Variants in KIAA1671 observed in about 807,000 individuals in gnomAD.
KIAA1671 encodes uncharacterized protein KIAA1671.
A neutral mutation model predicts 131.2 loss-of-function variants in KIAA1671; 52 were observed. That is an observed-to-expected ratio of 0.40 (90% CI 0.32 to 0.50). The LOEUF is 0.50. KIAA1671 is among the 20% of genes least tolerant of loss of function. The probability of loss-of-function intolerance (pLI) is 0.73; values close to 1 mark genes in which losing one functional copy is unlikely to be tolerated. For missense variants in KIAA1671, 2,360 were observed against 2,364.2 expected (o/e 1.00, Z 0.04); for synonymous variants, 1,003 against 961.6 (o/e 1.04, Z -0.80).
At chr22:24,968,041 A>T (rs944814777) in intron 1 of KIAA1671, among the ~76,000 whole-genome samples, 4 of 152,108 alleles carry the variant, frequency 2.6e-5, no homozygotes, top group African/African-American at 9.7e-5. Flanking sequence ...TTTGGCAACC[A>T]GTAGACCACC....
chr22:25,111,968 C>G (rs1378640213), intron 6 of KIAA1671: 3 of 358,324 alleles, frequency 8.4e-6, no homozygotes, highest in Non-Finnish European at 1.5e-5. Flanking sequence ...TAATTCTGAG[C>G]GGCACCCGTG....
intron 6 of KIAA1671, among the ~76,000 whole-genome samples, chr22:25,134,409 C>T (rs116988242): frequency 0.015 from 2,217 of 152,214 alleles, 22 homozygotes; most frequent in Middle Eastern, 0.061. Flanking sequence ...AAATCTGATT[C>T]TCCCAACACT....
chr22:25,028,435 C>T lies in KIAA1671; in HGVS notation c.436C>T (p.Leu146Phe), dbSNP rs972924232. 7.9e-5 allele frequency: 122 copies of T among 1,550,906 alleles called. 2 individuals carry two copies. The highest frequency in any genetic ancestry group is 7.7e-4 in the South Asian group (65 of 83,956). The change falls in exon 3 of 13, where the codon CTC becomes TTC. Residue 146 changes from leucine (L) to phenylalanine (F), a missense_variant. Physicochemically the swap from Leu to Phe is conservative, Grantham distance 22. Coordinates refer to ENST00000358431, the MANE Select transcript of KIAA1671 (RefSeq NM_001145206.2). ...FLRPSSSTMILFETTKSGPAL... is the reference protein window; with the variant it reads ...FLRPSSSTMIFFETTKSGPAL... ...GCGGCCCAGCTCCAGCACCATGATT[C>T]TCTTCGAAACCACCAAAAGCGGCCC... is the stretch of plus-strand genomic sequence containing the variant.
intron 1 of KIAA1671, among the ~76,000 whole-genome samples, chr22:25,003,570 C>G (rs1430819227): frequency 6.6e-6 from 1 of 151,916 alleles, no homozygotes; most frequent in African/African-American, 2.4e-5. Context: ...TGCCACTACG[C>G]CTGGCTAATT....
intron 6 of KIAA1671, among the ~76,000 whole-genome samples, chr22:25,133,959 C>T (rs567190093): frequency 4.5e-4 from 68 of 152,282 alleles, no homozygotes; most frequent in Admixed American, 3.9e-3. Flanking sequence ...CCTGAGAGGG[C>T]CTTGAGATTC....
At chr22:25,047,350 C>T (rs1927300851) in intron 5 of KIAA1671, among the ~76,000 whole-genome samples, 4 of 151,680 alleles carry the variant, frequency 2.6e-5, no homozygotes, top group Non-Finnish European at 1.5e-5. Context: ...GGGGTTTCAC[C>T]GTGTTGCCCA....
At chr22:24,970,506 A>G (rs1446436435) in intron 1 of KIAA1671, among the ~76,000 whole-genome samples, 1 of 152,062 alleles carries the variant, frequency 6.6e-6, no homozygotes, top group African/African-American at 2.4e-5. Context: ...GTCTCTATAA[A>G]ATGAGGCTAA....
intron 1 of KIAA1671, among the ~76,000 whole-genome samples, chr22:24,954,565 C>T (rs1183746415): frequency 2.0e-5 from 3 of 152,202 alleles, no homozygotes; most frequent in Non-Finnish European, 2.9e-5. Context: ...GCACCTATGT[C>T]AGGAGCACTG....
intron 6 of KIAA1671, among the ~76,000 whole-genome samples, chr22:25,116,997 T>G (rs140872712): frequency 3.9e-5 from 6 of 152,168 alleles, no homozygotes; most frequent in African/African-American, 1.4e-4. Context: ...TTTATGGCTG[T>G]GGGGGGTAAG....
intron 1 of KIAA1671, among the ~76,000 whole-genome samples, chr22:25,022,052 G>A (rs1274439153): frequency 2.0e-5 from 3 of 151,892 alleles, no homozygotes; most frequent in Non-Finnish European, 4.4e-5. Context: ...GGGATTACAG[G>A]CCTGAGCCAC....
chr22:24,960,162 TAAA>T (rs1921938478), intron 1 of KIAA1671, among the ~76,000 whole-genome samples: 1 of 146,806 alleles, frequency 6.8e-6, no homozygotes, highest in South Asian at 2.2e-4. Context: ...AATAAATAAA[TAAA>T]TAAAATAAAA....
intron 12 of KIAA1671, 123 bp downstream of exon 12, chr22:25,190,907 G>T: frequency 1.5e-6 from 1 of 648,136 alleles, no homozygotes. Flanking sequence ...TGTGTAAGGG[G>T]AAGAATGAGG....
At chr22:25,009,809 C>T (rs1206891775) in intron 1 of KIAA1671, 2 of 152,322 alleles carry the variant, frequency 1.3e-5, no homozygotes, top group Non-Finnish European at 2.9e-5. Flanking sequence ...GTCTCGATCT[C>T]CTGACCTTGT....
At chr22:25,053,459 A>G in intron 6 of KIAA1671, 1 of 152,254 alleles carries the variant, frequency 6.6e-6, no homozygotes, top group Non-Finnish European at 1.5e-5. Flanking sequence ...TCAGAGATTC[A>G]TCAGCTGGGA....
chr22:25,029,507 A>G lies in KIAA1671; in HGVS notation c.1508A>G (p.Gln503Arg). ...CCCGAGGTCAGGAGGAGGACGTTCC[A>G]GGCTCGGCCGCTGTCGGCGGATTTG... ...AKPEVRRRTF[Q>R]ARPLSADLTK... Residue 503 changes from glutamine to arginine, a missense_variant, in exon 3 of 13, where the codon CAG (glutamine) becomes CGG (arginine). This residue lies in a region of KIAA1671 where 1,185 missense variants were observed against 1,126.2 expected (regional missense o/e 1.05). Coordinates refer to ENST00000358431, the MANE Select transcript of KIAA1671 (RefSeq NM_001145206.2). 1.9e-6 allele frequency: 3 copies of G among 1,548,708 alleles called. No individual in the cohort carries two copies. Among genetic ancestry groups the G allele is most frequent in the Non-Finnish European group, 2.6e-6 (3 of 1,145,484 alleles).
At chr22:25,071,331 G>A (rs1601283688) in intron 6 of KIAA1671, among the ~76,000 whole-genome samples, 1 of 152,060 alleles carries the variant, frequency 6.6e-6, no homozygotes, top group South Asian at 2.1e-4. Context: ...ATTTTCCAGC[G>A]CTCCTAAAAA....
intron 6 of KIAA1671, chr22:25,064,466 C>T (rs1371107169): frequency 3.3e-5 from 5 of 152,246 alleles, no homozygotes; most frequent in African/African-American, 1.2e-4. Context: ...TGTCATCATC[C>T]TTATTTTACG....
chr22:25,174,577 C>T (rs1933961561), intron 8 of KIAA1671, 88 bp downstream of exon 8: 1 of 1,412,960 alleles, frequency 7.1e-7, no homozygotes. Flanking sequence ...GATCTGTGTG[C>T]CAGGGACCCT....
chr22:25,181,556 C>T (rs1934276052), intron 9 of KIAA1671, 143 bp from the exon 10 acceptor site: 6 of 945,034 alleles, frequency 6.3e-6, no homozygotes, highest in Non-Finnish European at 4.7e-6. Context: ...CTTGGTGGTC[C>T]TCATCTGTAA....
Sources: allele counts gnomAD v4.1 joint callset (sites outside exome capture counted in the v4.1 genomes callset), GRCh38; gene constraint gnomAD v4.1.1; regional missense constraint gnomAD v4.1.1; transcripts MANE v1.5; gene names NCBI Gene and HGNC (gene_info 2026-07-23, HGNC 2026-07-21).